EXOC5: variants seen among roughly 807,000 people sequenced by gnomAD.
EXOC5 encodes the protein exocyst complex component 5, also known as SEC10-like 1.
Under a neutral mutation model 90.8 loss-of-function variants are expected in EXOC5, and 17 were observed. The observed-to-expected ratio is 0.19, with a 90% CI of 0.13 to 0.28. EXOC5 has a LOEUF of 0.28. Ranked by LOEUF, EXOC5 falls within the 10% of genes least tolerant of loss-of-function variation. The pLI is 1.00. For missense variants in EXOC5, 569 were observed against 830.6 expected, an observed-to-expected ratio of 0.69 and a Z score of 3.87; for synonymous variants, 260 against 270.0, an observed-to-expected ratio of 0.96 and a Z score of 0.36.
chr14:57,252,018 A>G (rs888453446), intron 1 of EXOC5, among the ~76,000 whole-genome samples: 11 of 152,220 alleles, frequency 7.2e-5, no homozygotes, highest in African/African-American at 2.2e-4. Flanking sequence ...GAAAAAACAG[A>G]TAATATGAAT....
At position 57,203,625 on chromosome 14, in the gene EXOC5, G is replaced by C. The variant is rs1882562780; in HGVS notation, c.*4984C>G. ...AACCCTCCATATTTCCTCCTATTAAGTCACTAGGCACTTATAATTCTACAT... is the reference window on the plus strand; with the variant it reads ...AACCCTCCATATTTCCTCCTATTAACTCACTAGGCACTTATAATTCTACAT... On this transcript the variant is annotated 3_prime_UTR_variant, in exon 18 of 18. Transcript: ENST00000621441. 1 of 152,404 alleles carries C rather than the reference G, an allele frequency of 6.6e-6. No homozygotes were observed. Among genetic ancestry groups the C allele is most frequent in the Non-Finnish European group, 1.5e-5 (1 of 68,006 alleles). The allele number at this position is 152,404 out of a possible 1,614,324, so 9.4% of individuals were successfully genotyped here.
intron 12 of EXOC5, among the ~76,000 whole-genome samples, chr14:57,228,193 T>C (rs1184128263): frequency 6.6e-6 from 1 of 152,088 alleles, no homozygotes; most frequent in East Asian, 1.9e-4. Context: ...CATTAAACAG[T>C]CAGGAAACAA....
chr14:57,221,739 G>T (rs1426581663), intron 13 of EXOC5, among the ~76,000 whole-genome samples: 1 of 152,086 alleles, frequency 6.6e-6, no homozygotes, highest in Non-Finnish European at 1.5e-5. Flanking sequence ...AATGACAAGG[G>T]AAGAATGGGA....
At chr14:57,236,533 G>A (rs562157564) in intron 6 of EXOC5, among the ~76,000 whole-genome samples, 78 of 151,906 alleles carry the variant, frequency 5.1e-4, no homozygotes, top group African/African-American at 1.7e-3. Flanking sequence ...TGATCCACCC[G>A]CCTCGGCCTC....
At chr14:57,235,963 T>C in intron 6 of EXOC5, 143 bp from the exon 7 acceptor site, 1 of 591,798 alleles carries the variant, frequency 1.7e-6, no homozygotes, top group East Asian at 2.8e-5. Flanking sequence ...TTATAGGCCG[T>C]GAACCCAGCC....
In EXOC5 at chr14:57,244,267, G is replaced by A; in HGVS notation, c.363C>T (p.Asn121=). ...CCTCCACTGCCCGTTGTCTGGGTGT[G>A]TTTACCCCCTCTAACTGGTCTCCAA... ...CHLGDQLEGV[N]TPRQRAVEAQ... is the part of the protein sequence containing the mutation. Residue 121 remains asparagine (N), a synonymous_variant, in exon 4 of 18, where the codon AAC becomes AAT. Coordinates refer to ENST00000621441, the MANE Select transcript of EXOC5 (RefSeq NM_006544.4). 6.2e-7 allele frequency: 1 copy of A among 1,612,704 alleles called. No individual in the cohort carries two copies. Among genetic ancestry groups the A allele is most frequent in the South Asian group, 1.1e-5 (1 of 91,046 alleles).
chr14:57,268,436 A>G, intron 1 of EXOC5, 186 bp downstream of exon 1: 1 of 1,458,332 alleles, frequency 6.9e-7, no homozygotes, highest in Admixed American at 2.3e-5. Flanking sequence ...CTCGGCCCCA[A>G]GCACCCCTCC....
At chr14:57,267,866 GCATA>G (rs1884729443) in intron 1 of EXOC5, among the ~76,000 whole-genome samples, 1 of 152,076 alleles carries the variant, frequency 6.6e-6, no homozygotes, top group Non-Finnish European at 1.5e-5. Flanking sequence ...ACATGTAAAT[GCATA>G]TAATACACTT....
Position 57,234,734 on chromosome 14 carries a change from T to G in EXOC5, c.670-702A>C, listed in dbSNP as rs536755743. Among the ~76,000 whole-genome samples, 39 of 151,722 alleles carry G rather than the reference T, an allele frequency of 2.6e-4. No individual in the cohort carries two copies. In the South Asian group the frequency reaches 8.1e-3, roughly 32 times the overall value. On this transcript the variant is annotated intron_variant, in intron 7 of 17. Transcript: ENST00000621441. ...GCACATGCCTCCCCTCCGGCTAATT[T>G]TTGTATTTTCTGTAGAGACAGGGTC...
At position 57,200,824 on chromosome 14, in the gene EXOC5, A is replaced by T. The variant is rs1882479225; in HGVS notation, c.*7785T>A. 7 of 151,628 alleles carry T rather than the reference A, an allele frequency of 4.6e-5. No homozygotes were observed. Among genetic ancestry groups the T allele is most frequent in the Admixed American group, 4.6e-4 (7 of 15,222 alleles). 9.4% of individuals were successfully genotyped at this position (151,628 alleles called of 1,614,324 possible). On this transcript the variant is annotated 3_prime_UTR_variant, in exon 18 of 18. Coordinates refer to ENST00000621441, the MANE Select transcript of EXOC5 (RefSeq NM_006544.4). ...TCTGCGTGATAAAATTGTAATTTTTAAATTTAATATTTTAAAATTTTTACA... is the reference window on the plus strand; with the variant it reads ...TCTGCGTGATAAAATTGTAATTTTTTAATTTAATATTTTAAAATTTTTACA...
intron 4 of EXOC5, among the ~76,000 whole-genome samples, chr14:57,242,516 T>G (rs900104294): frequency 6.6e-6 from 1 of 151,824 alleles, no homozygotes; most frequent in African/African-American, 2.4e-5. Flanking sequence ...AGTGCTGGGA[T>G]TGCAGGCCTG....
intron 1 of EXOC5, among the ~76,000 whole-genome samples, chr14:57,266,727 G>T (rs2048231109): frequency 1.0e-5 from 1 of 98,874 alleles, no homozygotes. Context: ...ATGTGTATGT[G>T]TGTGTGTGTA....
intron 15 of EXOC5, among the ~76,000 whole-genome samples, chr14:57,217,292 A>C (rs1248126426): frequency 3.9e-5 from 6 of 152,148 alleles, no homozygotes; most frequent in Non-Finnish European, 1.5e-5. Flanking sequence ...GCTTTGTTTG[A>C]CTGTGTTTCA....
Position 57,222,350 on chromosome 14 carries a change from A to G in EXOC5, c.1363T>C (p.Cys455Arg). The G allele has an allele frequency of 6.3e-7, 1 of 1,599,716 alleles. No individual in the cohort carries two copies. The highest frequency in any genetic ancestry group is 8.5e-7 in the Non-Finnish European group (1 of 1,170,776). Residue 455 changes from cysteine (C) to arginine (R), a missense_variant, in exon 13 of 18, where the codon TGT (cysteine) becomes CGT (arginine). Transcript: ENST00000621441. ...AAAGCATAATCAATATGCTCAATAC[A>G]TAAAAATTCCACAAGAATGGTAAAA... ...RIFTILVEFL[C>R]IEHIDYALET... is the part of the protein sequence containing the mutation.
At chr14:57,268,166 G>C (rs191941254) in intron 1 of EXOC5, 30 of 177,024 alleles carry the variant, frequency 1.7e-4, no homozygotes, top group Non-Finnish European at 2.7e-4. Context: ...TACTCAAAAC[G>C]AGAAGCCCCC....
intron 15 of EXOC5, among the ~76,000 whole-genome samples, chr14:57,213,825 C>T (rs1476030558): frequency 6.6e-6 from 1 of 151,764 alleles, no homozygotes; most frequent in Non-Finnish European, 1.5e-5. Flanking sequence ...AAAAAATTAG[C>T]TGGGCATGGT....
At chr14:57,226,777 G>A (rs530231216) in intron 12 of EXOC5, among the ~76,000 whole-genome samples, 1 of 152,100 alleles carries the variant, frequency 6.6e-6, no homozygotes, top group Non-Finnish European at 1.5e-5. Flanking sequence ...ACAACTGGAT[G>A]CCTAATTGTA....
chr14:57,218,202 A>G, intron 14 of EXOC5, 134 bp from the exon 15 acceptor site: 1 of 483,314 alleles, frequency 2.1e-6, no homozygotes, highest in Non-Finnish European at 3.7e-6. Context: ...TATTGTTAAC[A>G]AATCCAAGAA....
chr14:57,248,477 A>G (rs1348913942), intron 1 of EXOC5, among the ~76,000 whole-genome samples: 6 of 152,030 alleles, frequency 3.9e-5, no homozygotes, highest in Non-Finnish European at 5.9e-5. Context: ...CTAACATATG[A>G]TAGCTGATGA....
Sources: gnomAD v4.1 joint callset for allele counts (sites outside exome capture counted in the v4.1 genomes callset) on GRCh38, gnomAD v4.1.1 for gene constraint, MANE v1.5 for transcripts, NCBI Gene and HGNC (gene_info 2026-07-23, HGNC 2026-07-21) for gene names.